The following DOCK9 variants were observed in gnomAD, a reference collection of about 807,000 sequenced individuals.
The protein encoded by DOCK9 is dedicator of cytokinesis protein 9.
DOCK9 carries 89 observed loss-of-function variants against 263.3 expected under a neutral mutation model. The ratio of observed to expected loss-of-function variants is 0.34; its 90% CI spans 0.28 to 0.40. The LOEUF is 0.40. Ranked by LOEUF, DOCK9 falls within the 10% of genes least tolerant of loss-of-function variation. The pLI, the probability that DOCK9 is intolerant of heterozygous loss-of-function variation, is 1.00. For synonymous variants in DOCK9, 976 were observed against 973.1 expected (o/e 1.00, Z -0.06); for missense variants, 2,140 against 2,603.4 (o/e 0.82, Z 3.87).
chr13:98,975,856 C>G (rs1347406053), intron 1 of DOCK9, among the ~76,000 whole-genome samples: 4 of 152,206 alleles, frequency 2.6e-5, no homozygotes, highest in Admixed American at 2.0e-4. Flanking sequence ...AGCCCGTGGG[C>G]CACTGACATT....
intron 13 of DOCK9, among the ~76,000 whole-genome samples, chr13:98,900,665 T>G (rs1366430016): frequency 6.6e-6 from 1 of 152,154 alleles, no homozygotes; most frequent in Non-Finnish European, 1.5e-5. Flanking sequence ...ACACTGTCCC[T>G]ATGAGGAAGG....
At chr13:99,052,987 GGCCTCAGTAGGGATTC>G (rs2040770361) in intron 1 of DOCK9, among the ~76,000 whole-genome samples, 1 of 152,126 alleles carries the variant, frequency 6.6e-6, no homozygotes, top group South Asian at 2.1e-4. Context: ...AGGTTTTTCA[GGCCTCAGTAGGGATTC>G]GCCGTTGGGA....
chr13:99,069,494 C>T (rs1277447668), intron 1 of DOCK9, among the ~76,000 whole-genome samples: 1 of 152,220 alleles, frequency 6.6e-6, no homozygotes, highest in African/African-American at 2.4e-5. Flanking sequence ...CACTTGACAA[C>T]ACACAAGTGT....
intron 4 of DOCK9, among the ~76,000 whole-genome samples, chr13:98,924,173 G>A (rs1264874946): frequency 6.6e-6 from 1 of 152,184 alleles, no homozygotes; most frequent in Non-Finnish European, 1.5e-5. Context: ...GGGAGGATTG[G>A]GTAAATATAG....
intron 50 of DOCK9, among the ~76,000 whole-genome samples, chr13:98,797,988 C>T (rs2089643091): frequency 6.6e-6 from 1 of 152,166 alleles, no homozygotes; most frequent in Non-Finnish European, 1.5e-5. Flanking sequence ...CAGCCATGGG[C>T]AAACTGATTT....
chr13:99,042,035 A>G (rs1469777771), intron 1 of DOCK9, among the ~76,000 whole-genome samples: 2 of 152,222 alleles, frequency 1.3e-5, no homozygotes, highest in African/African-American at 4.8e-5. Flanking sequence ...ATAATTTGTT[A>G]CGGCAACCCT....
At chr13:98,856,183 G>A in intron 33 of DOCK9, 152 bp from the exon 34 acceptor site, 1 of 704,982 alleles carries the variant, frequency 1.4e-6, no homozygotes, top group Non-Finnish European at 2.3e-6. Flanking sequence ...CACCTTTAAA[G>A]AACCAGGTCA....
Position 98,885,025 on chromosome 13 carries a change from G to T in DOCK9, c.2328C>A (p.Val776=). 3 of 1,613,730 alleles carry T rather than the reference G, an allele frequency of 1.9e-6. No individual in the cohort carries two copies. Among genetic ancestry groups the T allele is most frequent in the Non-Finnish European group, 2.5e-6 (3 of 1,179,816 alleles). The change falls in exon 21 of 53, where the codon GTC becomes GTA. Residue 776 remains valine, a synonymous_variant. Coordinates refer to ENST00000682017, the MANE Select transcript of DOCK9 (RefSeq NM_001366683.2). Reference sequence around the variant, plus strand: ...GATAGCCCGAAGGAAGGTTCGCCGAGACCGGGATGTGCTGCTCGCTTGTCA... The same window carrying T: ...GATAGCCCGAAGGAAGGTTCGCCGATACCGGGATGTGCTGCTCGCTTGTCA... ...RVVTSEQHIP[V]SANLPSGYLG...
At chr13:98,824,849 G>A (rs1030197763) in intron 44 of DOCK9, among the ~76,000 whole-genome samples, 3 of 152,152 alleles carry the variant, frequency 2.0e-5, no homozygotes, top group Admixed American at 1.3e-4. Flanking sequence ...AGGATGACTC[G>A]TGCTGAGATA....
intron 7 of DOCK9, among the ~76,000 whole-genome samples, chr13:98,920,112 G>A (rs1368452168): frequency 6.6e-6 from 1 of 152,200 alleles, no homozygotes; most frequent in East Asian, 1.9e-4. Context: ...AAAAGCTACA[G>A]AAGGATGCAT....
At position 98,829,832 on chromosome 13, in the gene DOCK9, G is replaced by C. The variant is rs2092689785; in HGVS notation, c.4636-76C>G. The C allele has an allele frequency of 7.5e-7, 1 of 1,330,332 alleles. No individual in the cohort carries two copies. Among genetic ancestry groups the C allele is most frequent in the Non-Finnish European group, 1.1e-6 (1 of 948,936 alleles). 82.4% of individuals were successfully genotyped at this position (1,330,332 alleles called of 1,614,324 possible). On this transcript the variant is annotated intron_variant, in intron 41 of 52. Coordinates refer to ENST00000682017, the MANE Select transcript of DOCK9 (RefSeq NM_001366683.2). The surrounding 1 kb of genome is among the most constrained non-coding windows in gnomAD (Gnocchi z 4.1). Reference sequence around the variant, plus strand: ...CAGGCTGGGCTTCTGCGTTCAGTTAGGATGTGCCTAAGGACCCAGCAAAGT... The same window carrying C: ...CAGGCTGGGCTTCTGCGTTCAGTTACGATGTGCCTAAGGACCCAGCAAAGT...
chr13:99,049,751 C>G (rs1359882762), intron 1 of DOCK9, among the ~76,000 whole-genome samples: 1 of 152,126 alleles, frequency 6.6e-6, no homozygotes, highest in Non-Finnish European at 1.5e-5. Context: ...CTCCTGGACT[C>G]AAAAGATACT....
chr13:98,796,203 T>C (rs750237079), intron 52 of DOCK9: 10 of 1,584,032 alleles, frequency 6.3e-6, no homozygotes, highest in Non-Finnish European at 7.7e-6. Context: ...AAAATGACAT[T>C]ACCATCCCAG....
intron 1 of DOCK9, among the ~76,000 whole-genome samples, chr13:99,034,868 A>G (rs1191648655): frequency 1.3e-5 from 2 of 152,206 alleles, no homozygotes; most frequent in African/African-American, 4.8e-5. Flanking sequence ...GTTGAGGTGA[A>G]ACAGACAGGC....
intron 33 of DOCK9, chr13:98,857,613 G>C (rs1191696146): frequency 3.3e-5 from 5 of 152,218 alleles, no homozygotes; most frequent in Non-Finnish European, 7.3e-5. Context: ...TTTAACCTTA[G>C]AAGGAAGACC....
chr13:99,047,212 A>G (rs1178682443), intron 1 of DOCK9, among the ~76,000 whole-genome samples: 1 of 152,186 alleles, frequency 6.6e-6, no homozygotes, highest in East Asian at 1.9e-4. Context: ...AGTAGGGCCT[A>G]TTTAGAAAAT....
chr13:98,803,725 G>A (rs2090377111), intron 49 of DOCK9, among the ~76,000 whole-genome samples: 2 of 151,584 alleles, frequency 1.3e-5, no homozygotes, highest in South Asian at 4.2e-4. Flanking sequence ...ACTGATGTGT[G>A]CATTAAAAAA....
intron 15 of DOCK9, among the ~76,000 whole-genome samples, chr13:98,895,589 C>T (rs1456514286): frequency 6.7e-6 from 1 of 149,952 alleles, no homozygotes. Context: ...CGCTTGAACT[C>T]GGGAGGCGGA....
intron 1 of DOCK9, among the ~76,000 whole-genome samples, chr13:99,075,047 G>A (rs1049077164): frequency 3.3e-5 from 5 of 152,082 alleles, no homozygotes; most frequent in African/African-American, 1.2e-4. Flanking sequence ...TGTTTCTCTG[G>A]ACTGTAAATG....
Sources: allele counts gnomAD v4.1 joint callset (sites outside exome capture counted in the v4.1 genomes callset), GRCh38; gene constraint gnomAD v4.1.1; non-coding constraint Gnocchi (gnomAD v3.1); transcripts MANE v1.5; gene names NCBI Gene and HGNC (gene_info 2026-07-23, HGNC 2026-07-21).